RGS12: variants seen among roughly 807,000 people sequenced by gnomAD.
RGS12 encodes the protein regulator of G protein signaling 12.
RGS12 carries 66 observed loss-of-function variants against 120.1 expected under a neutral mutation model. The observed-to-expected ratio is 0.55, with a 90% confidence interval of 0.45 to 0.67. The LOEUF (loss-of-function observed/expected upper bound fraction) is 0.67, where lower values mean the gene tolerates loss of function less well. Ranked by LOEUF, RGS12 falls within the 30% of genes least tolerant of loss-of-function variation. RGS12 has a pLI of 0.00. For synonymous variants in RGS12, 827 were observed against 804.7 expected (o/e 1.03, Z -0.47); for missense variants, 1,859 against 1,957.7 (o/e 0.95, Z 0.95).
intron 1 of RGS12, among the ~76,000 whole-genome samples, chr4:3,302,899 C>T (rs890194949): frequency 5.3e-5 from 8 of 152,168 alleles, no homozygotes; most frequent in African/African-American, 1.9e-4. Flanking sequence ...TGGCCTGGCC[C>T]TGCTGTGCAC....
chr4:3,365,200 C>T lies in RGS12; in HGVS notation c.1999-21216C>T, dbSNP rs73795516. On this transcript the variant is annotated intron_variant, in intron 3 of 17. Coordinates refer to ENST00000336727, the MANE Select transcript of RGS12 (RefSeq NM_001394154.1). The surrounding 1 kb of genome is among the most constrained non-coding windows in gnomAD (Gnocchi z 4.0). Reference sequence around the variant, plus strand: ...GCCAGGGATGGCAGACCGCAGTCCCCGGCCAGATCCACTGCCTGTTCTTGT... The same window carrying T: ...GCCAGGGATGGCAGACCGCAGTCCCTGGCCAGATCCACTGCCTGTTCTTGT... Among the ~76,000 whole-genome samples, 1,862 of 152,228 alleles carry T rather than the reference C, an allele frequency of 0.012. 42 individuals carry two copies. Among genetic ancestry groups the T allele is most frequent in the African/African-American group, 0.042 (1,754 of 41,532 alleles).
intron 17 of RGS12, among the ~76,000 whole-genome samples, chr4:3,435,166 G>GC: frequency 6.6e-6 from 1 of 152,242 alleles, no homozygotes; most frequent in Non-Finnish European, 1.5e-5. Flanking sequence ...TGCCCTCAGG[G>GC]CCCCCGGAGC....
intron 4 of RGS12, among the ~76,000 whole-genome samples, chr4:3,402,632 G>T (rs1217469901): frequency 1.4e-5 from 2 of 142,786 alleles, no homozygotes; most frequent in Non-Finnish European, 3.1e-5. Context: ...TCTGCATTGG[G>T]TGGCGTCCTC....
rs541977869 is a variant in RGS12 at position 3,415,994 on chromosome 4, G to A, written c.2300G>A (p.Arg767Gln). ...TCCTGTCAGCTTTCCTACAGGGCCC[G>A]GGAGATTTTCAGTAAGTTTCTCTGC... is the stretch of plus-strand genomic sequence containing the variant. The part of the protein sequence containing the change: ...HDKKELSYRA[R>Q]EIFSKFLCSK... Residue 767 changes from arginine to glutamine, a missense_variant, in exon 7 of 18, where the codon CGG (arginine) becomes CAG (glutamine). Transcript: ENST00000336727. 86 of 1,610,970 alleles carry A rather than the reference G, an allele frequency of 5.3e-5. 2 individuals are homozygous for A. In the South Asian group the frequency reaches 6.5e-4, roughly 12 times the overall value.
chr4:3,427,205 C>A (rs1386116350), intron 14 of RGS12, among the ~76,000 whole-genome samples: 1 of 152,230 alleles, frequency 6.6e-6, no homozygotes, highest in South Asian at 2.1e-4. Context: ...CCCAGCAGGG[C>A]GGCCAGCAGC....
chr4:3,329,419 G>A (rs1483198491), intron 2 of RGS12, among the ~76,000 whole-genome samples: 2 of 152,186 alleles, frequency 1.3e-5, no homozygotes, highest in Non-Finnish European at 2.9e-5. Flanking sequence ...GCTTGAGAGA[G>A]TGTGTTGCAC....
chr4:3,388,669 C>T (rs916505869), intron 4 of RGS12, among the ~76,000 whole-genome samples: 11 of 152,346 alleles, frequency 7.2e-5, no homozygotes, highest in Middle Eastern at 3.4e-3. Context: ...GCCTGCAGCC[C>T]CTGCTGCCCC....
chr4:3,417,343 A>G, intron 8 of RGS12, 45 bp from the exon 9 acceptor site: 1 of 1,534,578 alleles, frequency 6.5e-7, no homozygotes, highest in Non-Finnish European at 8.8e-7. Context: ...CGTAATAGTA[A>G]AATAACTTCA....
chr4:3,429,064 C>T (rs1723971328), intron 16 of RGS12, among the ~76,000 whole-genome samples: 1 of 152,232 alleles, frequency 6.6e-6, no homozygotes, highest in Non-Finnish European at 1.5e-5. Context: ...TGACTGGAGG[C>T]ACAGTTAGCA....
intron 2 of RGS12, among the ~76,000 whole-genome samples, chr4:3,339,868 C>T (rs920680614): frequency 1.3e-5 from 2 of 152,196 alleles, no homozygotes; most frequent in Non-Finnish European, 2.9e-5. Flanking sequence ...TGAGCCCTCC[C>T]TTCATGGCCC....
intron 10 of RGS12, 76 bp downstream of exon 10, chr4:3,420,794 T>C (rs1177289607): frequency 4.1e-6 from 5 of 1,207,518 alleles, no homozygotes; most frequent in Non-Finnish European, 1.2e-6. Context: ...CTCTCTCCCA[T>C]GGAAACCTGT....
At position 3,423,504 on chromosome 4, in the gene RGS12, T is replaced by TC; in HGVS notation, c.3108-6dup. 6.2e-7 allele frequency: 1 copy of TC among 1,612,664 alleles called. No homozygotes were observed. Among genetic ancestry groups the TC allele is most frequent in the Non-Finnish European group, 8.5e-7 (1 of 1,179,556 alleles). ...CATGAGTTGGTAGTGAATTTTTTCA[T>TC]CCCCCACCAGGCTGGATCTTGTTCC... On this transcript the variant is annotated splice_polypyrimidine_tract_variant and intron_variant, in intron 12 of 17. Coordinates refer to ENST00000336727, the MANE Select transcript of RGS12 (RefSeq NM_001394154.1).
At chr4:3,364,193 C>G (rs2108858202) in intron 3 of RGS12, among the ~76,000 whole-genome samples, 1 of 152,360 alleles carries the variant, frequency 6.6e-6, no homozygotes, top group East Asian at 1.9e-4. Flanking sequence ...GCCTTGTCAT[C>G]TCTTGAGTTC....
At chr4:3,419,681 G>A (rs1722791605) in intron 9 of RGS12, among the ~76,000 whole-genome samples, 1 of 152,016 alleles carries the variant, frequency 6.6e-6, no homozygotes, top group South Asian at 2.1e-4. Context: ...TTAGCCAAGT[G>A]TGGTGGCGCA....
chr4:3,362,684 GGT>G (rs1279194478), intron 3 of RGS12, among the ~76,000 whole-genome samples: 1 of 127,824 alleles, frequency 7.8e-6, no homozygotes, highest in Non-Finnish European at 1.6e-5. Context: ...TGAGGGTGAG[GGT>G]GTGTGTGAGG....
chr4:3,432,898 GTGGCGACAC>G (rs1477524925), intron 17 of RGS12, among the ~76,000 whole-genome samples: 5 of 152,200 alleles, frequency 3.3e-5, no homozygotes, highest in African/African-American at 1.2e-4. Flanking sequence ...GTGCCTGTCC[GTGGCGACAC>G]AGGACAACTG....
In RGS12 at chr4:3,301,615, C is replaced by T. The variant is rs929793968; in HGVS notation, c.-102+8516C>T. On this transcript the variant is annotated intron_variant, in intron 1 of 17. Transcript: ENST00000336727. ...GAGGGCCGGGGATGGAGAGTGAGGC[C>T]GGGGTCCGAGGGCCGGGGATGGACA... Among the ~76,000 whole-genome samples, 11 of 128,326 alleles carry T rather than the reference C, an allele frequency of 8.6e-5. No homozygotes were observed. The South Asian group carries it at 2.1e-3, about 24-fold the overall frequency. The allele number at this position is 128,326 out of a possible 152,430, so 84.2% of individuals were successfully genotyped here.
At chr4:3,322,886 G>A (rs1034499553) in intron 2 of RGS12, among the ~76,000 whole-genome samples, 2 of 152,174 alleles carry the variant, frequency 1.3e-5, no homozygotes, top group Admixed American at 6.5e-5. Context: ...ACTGCTGCCC[G>A]CAGAAGGTTG....
intron 1 of RGS12, among the ~76,000 whole-genome samples, chr4:3,304,439 G>C (rs1199115123): frequency 6.6e-6 from 1 of 152,196 alleles, no homozygotes; most frequent in East Asian, 1.9e-4. Context: ...TGAGCTTTGA[G>C]GGAGGCCGCT....
Sources: allele counts gnomAD v4.1 joint callset (sites outside exome capture counted in the v4.1 genomes callset), GRCh38; gene constraint gnomAD v4.1.1; non-coding constraint Gnocchi (gnomAD v3.1); transcripts MANE v1.5; gene names NCBI Gene and HGNC (gene_info 2026-07-23, HGNC 2026-07-21).